The following CELSR1 variants were observed in gnomAD, a reference collection of about 807,000 sequenced individuals.
CELSR1 encodes the protein adhesion G protein-coupled receptor C1.
CELSR1 carries 110 observed loss-of-function variants against 249.1 expected under a neutral mutation model. That is an observed-to-expected ratio of 0.44 (90% CI 0.38 to 0.52). The LOEUF is 0.52. CELSR1 is among the 20% of genes least tolerant of loss of function. The probability of loss-of-function intolerance (pLI) is 0.00; values close to 1 mark genes in which losing one functional copy is unlikely to be tolerated. For missense variants in CELSR1, 4,109 were observed against 4,296.4 expected, an observed-to-expected ratio of 0.96 and a Z score of 1.22; for synonymous variants, 2,113 against 1,900.0, an observed-to-expected ratio of 1.11 and a Z score of -2.92.
chr22:46,459,094 T>C (rs2079990405), intron 2 of CELSR1, among the ~76,000 whole-genome samples: 1 of 152,166 alleles, frequency 6.6e-6, no homozygotes, highest in South Asian at 2.1e-4. Context: ...TTCACCGTGT[T>C]GGCCAGGATG....
In CELSR1 at chr22:46,380,961, G is replaced by GTCAAGAAGCCAGAGCATGGGGACA; in HGVS notation, c.7089-30_7089-7dup. The GTCAAGAAGCCAGAGCATGGGGACA allele has an allele frequency of 1.2e-6, 2 of 1,611,010 alleles. No individual in the cohort carries two copies. Among genetic ancestry groups the GTCAAGAAGCCAGAGCATGGGGACA allele is most frequent in the South Asian group, 2.2e-5 (2 of 91,012 alleles). On this transcript the variant is annotated splice_region_variant and splice_polypyrimidine_tract_variant and intron_variant, in intron 21 of 34. Coordinates refer to ENST00000674500, the MANE Select transcript of CELSR1 (RefSeq NM_001378328.1). This position sits in a 1 kb window ranked among gnomAD's most constrained non-coding sequence, Gnocchi z 5.1. ...TGATGGGCCGGTGAGGCAACCTGAG[G>GTCAAGAAGCCAGAGCATGGGGACA]TCAAGAAGCCAGAGCATGGGGACAA...
rs566261453 is a variant in CELSR1 at position 46,377,116 on chromosome 22, G to A, written c.7529C>T (p.Ala2510Val). Residue 2510 changes from alanine (A) to valine (V), a missense_variant, in exon 24 of 35, where the codon GCG (alanine) becomes GTG (valine). Transcript: ENST00000674500. The part of the protein sequence containing the change: ...LHSIHKHLAV[A>V]LFLSQLVFVI... ...GAACACCAGCTGAGAGAGGAAGAGC[G>A]CCACGGCGAGGTGCTTGTGAATGCT... is the stretch of plus-strand genomic sequence containing the variant. 331 of 1,613,676 alleles carry A rather than the reference G, an allele frequency of 2.1e-4. 3 individuals carry two copies. In the South Asian group the frequency reaches 3.0e-3, roughly 15 times the overall value.
At position 46,437,752 on chromosome 22, in the gene CELSR1, CAA is replaced by C. The variant is rs766527669; in HGVS notation, c.4406+1435_4406+1436del. 3.6e-5 allele frequency among the ~76,000 whole-genome samples: 4 copies of C among 110,994 alleles called. No individual in the cohort carries two copies. Among genetic ancestry groups the C allele is most frequent in the Admixed American group, 9.4e-5 (1 of 10,626 alleles). 72.8% of individuals were successfully genotyped at this position (110,994 alleles called of 152,430 possible). On this transcript the variant is annotated intron_variant, in intron 3 of 34. Transcript: ENST00000674500. The surrounding 1 kb of genome is among the most constrained non-coding windows in gnomAD (Gnocchi z 4.9). Reference sequence around the variant, plus strand: ...CTGGCAACAAAGCAAGACTCCGTCTCAAAAAAAAAAAAAAAACTGATGGTTCC... The same window carrying C: ...CTGGCAACAAAGCAAGACTCCGTCTCAAAAAAAAAAAAAACTGATGGTTCC...
rs2080172157 is a variant in CELSR1, at chr22:46,473,080, G to A, written c.3545-8735C>T. ...GACACGGGCACGGAGGCAGGGGGTG[G>A]GTGAACCTCCGACTGCTGCCGGCCT... is the stretch of plus-strand genomic sequence containing the variant. On this transcript the variant is annotated intron_variant, in intron 1 of 34. Transcript: ENST00000674500. The surrounding 1 kb of genome is among the most constrained non-coding windows in gnomAD (Gnocchi z 6.6). Among the ~76,000 whole-genome samples, 1 of 152,086 alleles carries A rather than the reference G, an allele frequency of 6.6e-6. No homozygotes were observed. Among genetic ancestry groups the A allele is most frequent in the Admixed American group, 6.6e-5 (1 of 15,266 alleles).
intron 28 of CELSR1, 94 bp downstream of exon 28, chr22:46,367,635 T>G (rs1602024816): frequency 1.3e-6 from 2 of 1,500,102 alleles, no homozygotes; most frequent in Non-Finnish European, 1.8e-6. Context: ...GCAGGGCTGG[T>G]TTGGGACCGC....
intron 5 of CELSR1, among the ~76,000 whole-genome samples, chr22:46,418,522 A>G (rs928505582): frequency 5.9e-5 from 9 of 152,184 alleles, no homozygotes; most frequent in South Asian, 2.1e-4. Context: ...AAAATATAAC[A>G]TAAAATCATA....
At position 46,388,906 on chromosome 22, in the gene CELSR1, G is replaced by A. The variant is rs185220650; in HGVS notation, c.6555+384C>T. ...TTACAAGCTGTGCCTTTGGGCAAAC[G>A]CCTTAGCTCTCTGTGCCTCTGTTTC... On this transcript the variant is annotated intron_variant, in intron 18 of 34. Coordinates refer to ENST00000674500, the MANE Select transcript of CELSR1 (RefSeq NM_001378328.1). Among the ~76,000 whole-genome samples, 5 of 152,336 alleles carry A rather than the reference G, an allele frequency of 3.3e-5. No homozygotes were observed. The East Asian group carries it at 7.7e-4, about 24-fold the overall frequency.
chr22:46,490,619 G>A lies in CELSR1; in HGVS notation c.3545-26274C>T, dbSNP rs527377547. ...GGGAGGGAAATGTTCTAAGCAGAGT[G>A]AGCGTCGTGGAGCCTCCCTCAGGCA... On this transcript the variant is annotated intron_variant, in intron 1 of 34. Transcript: ENST00000674500. This position sits in a 1 kb window ranked among gnomAD's most constrained non-coding sequence, Gnocchi z 5.2. Among the ~76,000 whole-genome samples the A allele has an allele frequency of 2.6e-5, 4 of 152,252 alleles. No individual in the cohort carries two copies. The highest frequency in any genetic ancestry group is 2.6e-4 in the Admixed American group (4 of 15,290).
intron 25 of CELSR1, 162 bp from the exon 26 acceptor site, chr22:46,369,966 C>T: frequency 1.5e-6 from 1 of 687,180 alleles, no homozygotes. Flanking sequence ...CCTCCAAGCA[C>T]AGTCTCTCCG....
At position 46,430,487 on chromosome 22, in the gene CELSR1, C is replaced by T. The variant is rs2079582679; in HGVS notation, c.4611+2906G>A. 6.6e-6 allele frequency among the ~76,000 whole-genome samples: 1 copy of T among 152,096 alleles called. No homozygotes were observed. Among genetic ancestry groups the T allele is most frequent in the Non-Finnish European group, 1.5e-5 (1 of 68,008 alleles). On this transcript the variant is annotated intron_variant, in intron 5 of 34. Coordinates refer to ENST00000674500, the MANE Select transcript of CELSR1 (RefSeq NM_001378328.1). The surrounding 1 kb of genome is among the most constrained non-coding windows in gnomAD (Gnocchi z 4.6). Reference sequence around the variant, plus strand: ...ACCACCCTCAAGATCACCCTTGCAGCCCCAGCCCTGAGCCCCTCTCAACTG... The same window carrying T: ...ACCACCCTCAAGATCACCCTTGCAGTCCCAGCCCTGAGCCCCTCTCAACTG...
chr22:46,444,927 C>T (rs1026903201), intron 2 of CELSR1, among the ~76,000 whole-genome samples: 1 of 152,216 alleles, frequency 6.6e-6, no homozygotes, highest in South Asian at 2.1e-4. Flanking sequence ...GACACCAGGC[C>T]GGGAGCGGTG....
At chr22:46,475,111 G>A (rs545536782) in intron 1 of CELSR1, among the ~76,000 whole-genome samples, 9 of 152,066 alleles carry the variant, frequency 5.9e-5, no homozygotes, top group East Asian at 3.9e-4. Context: ...ATCCTTCCTC[G>A]TCTCCTAAAT....
At chr22:46,519,949 G>A (rs534045171) in intron 1 of CELSR1, among the ~76,000 whole-genome samples, 1 of 146,778 alleles carries the variant, frequency 6.8e-6, no homozygotes, top group Non-Finnish European at 1.5e-5. Context: ...TCAGCTCACC[G>A]CAACCTCTGC....
Position 46,526,629 on chromosome 22 carries a change from C to T in CELSR1, c.3544+6998G>A, listed in dbSNP as rs1430929622. On this transcript the variant is annotated intron_variant, in intron 1 of 34. Transcript: ENST00000674500. This position sits in a 1 kb window ranked among gnomAD's most constrained non-coding sequence, Gnocchi z 4.7. ...CCATCACGGATGACCCCCTCGGAGA[C>T]ACTCGCCCTCCCTCAGCCTCCAGGG... is the stretch of plus-strand genomic sequence containing the variant. Among the ~76,000 whole-genome samples, 1 of 152,222 alleles carries T rather than the reference C, an allele frequency of 6.6e-6. No individual in the cohort carries two copies. Among genetic ancestry groups the T allele is most frequent in the Non-Finnish European group, 1.5e-5 (1 of 68,044 alleles).
intron 1 of CELSR1, among the ~76,000 whole-genome samples, chr22:46,505,261 CAA>C (rs3081585): frequency 1.6e-5 from 1 of 62,550 alleles, no homozygotes. Context: ...GACTCTGTCT[CAA>C]AAAAAAAAAA....
rs2078734874 is a variant in CELSR1, at chr22:46,363,969, C to T, written c.9035+27G>A. The T allele has an allele frequency of 1.9e-6, 3 of 1,560,268 alleles. No individual in the cohort carries two copies. In the South Asian group the frequency reaches 3.5e-5, roughly 18 times the overall value. On this transcript the variant is annotated intron_variant, in intron 34 of 34. Coordinates refer to ENST00000674500, the MANE Select transcript of CELSR1 (RefSeq NM_001378328.1). This position sits in a 1 kb window ranked among gnomAD's most constrained non-coding sequence, Gnocchi z 4.3. ...CAGGACAAGGGGGAAGTGGGTGATC[C>T]CCGCCCTGGAGGCCCAGGCTACTCA...
chr22:46,401,971 C>T lies in CELSR1; in HGVS notation c.5227-2069G>A, dbSNP rs962715701. On this transcript the variant is annotated intron_variant, in intron 9 of 34. Transcript: ENST00000674500. This position sits in a 1 kb window ranked among gnomAD's most constrained non-coding sequence, Gnocchi z 4.7. Reference sequence around the variant, plus strand: ...GGCGTGGTGGCAGGTGCCTGTAGTTCCAGCTGCTTGGGAGGCTGAGACAGG... The same window carrying T: ...GGCGTGGTGGCAGGTGCCTGTAGTTTCAGCTGCTTGGGAGGCTGAGACAGG... Among the ~76,000 whole-genome samples the T allele has an allele frequency of 1.3e-5, 2 of 152,082 alleles. No homozygotes were observed. Among genetic ancestry groups the T allele is most frequent in the Non-Finnish European group, 2.9e-5 (2 of 68,012 alleles).
intron 1 of CELSR1, among the ~76,000 whole-genome samples, chr22:46,482,437 A>C (rs1029712028): frequency 1.2e-4 from 18 of 152,296 alleles, no homozygotes; most frequent in Admixed American, 9.2e-4. Context: ...ATGAGAGCAA[A>C]GACCTGTGTA....
In CELSR1 at chr22:46,408,073, T is replaced by C. The variant is rs529439974; in HGVS notation, c.5226+923A>G. On this transcript the variant is annotated intron_variant, in intron 9 of 34. Coordinates refer to ENST00000674500, the MANE Select transcript of CELSR1 (RefSeq NM_001378328.1). The surrounding 1 kb of genome is among the most constrained non-coding windows in gnomAD (Gnocchi z 4.6). The stretch of plus-strand genomic sequence containing the variant: ...GCTCATAACTGTTTCTCAAACAAAG[T>C]GTCTACGGAGCATGGAAGATGCGAG... 0.013 allele frequency among the ~76,000 whole-genome samples: 1,934 copies of C among 152,298 alleles called. 44 individuals carry two copies. Among genetic ancestry groups the C allele is most frequent in the African/African-American group, 0.044 (1,849 of 41,568 alleles).
Sources: gnomAD v4.1 joint callset for allele counts (sites outside exome capture counted in the v4.1 genomes callset) on GRCh38, gnomAD v4.1.1 for gene constraint, Gnocchi (gnomAD v3.1) non-coding constraint, MANE v1.5 for transcripts, NCBI Gene and HGNC (gene_info 2026-07-23, HGNC 2026-07-21) for gene names.